Variants in NALF1 observed in about 807,000 individuals in gnomAD.
NALF1 encodes the protein family with sequence similarity 155 member A.
NALF1 carries 3 observed loss-of-function variants against 48.4 expected under a neutral mutation model. The observed-to-expected ratio is 0.06, with a 90% confidence interval of 0.03 to 0.16. The LOEUF is 0.16. NALF1 is among the 10% of genes least tolerant of loss of function. The probability of loss-of-function intolerance (pLI) is 1.00; values close to 1 mark genes in which losing one functional copy is unlikely to be tolerated. For synonymous variants in NALF1, 262 were observed against 245.7 expected, an observed-to-expected ratio of 1.07 and a Z score of -0.62; for missense variants, 526 against 571.5, an observed-to-expected ratio of 0.92 and a Z score of 0.81.
At chr13:107,865,615 A>G in intron 1 of NALF1, 67 bp downstream of exon 1, 1 of 1,540,510 alleles carries the variant, frequency 6.5e-7, no homozygotes, top group Non-Finnish European at 8.7e-7. Flanking sequence ...AATAAACTTG[A>G]GAAGACACCC....
chr13:107,253,005 T>C (rs1880734057), intron 1 of NALF1, among the ~76,000 whole-genome samples: 1 of 152,236 alleles, frequency 6.6e-6, no homozygotes. Context: ...ATAACACATT[T>C]TCTTTTTACA....
chr13:107,273,984 C>T (rs1311506237), intron 1 of NALF1, among the ~76,000 whole-genome samples: 1 of 152,066 alleles, frequency 6.6e-6, no homozygotes, highest in Non-Finnish European at 1.5e-5. Context: ...ATAGTCACCA[C>T]CCTAGGGACA....
intron 1 of NALF1, among the ~76,000 whole-genome samples, chr13:107,794,348 G>A (rs575080193): frequency 2.6e-4 from 39 of 151,940 alleles, no homozygotes; most frequent in Admixed American, 1.0e-3. Context: ...TTGAATAATC[G>A]TTGAGTCCTT....
chr13:107,598,940 T>C (rs892728687), intron 1 of NALF1, among the ~76,000 whole-genome samples: 1 of 152,214 alleles, frequency 6.6e-6, no homozygotes, highest in Non-Finnish European at 1.5e-5. Context: ...TGCTTTTTGC[T>C]GCTCTTCCCG....
chr13:107,487,030 GT>G (rs1885339802), intron 1 of NALF1, among the ~76,000 whole-genome samples: 1 of 152,062 alleles, frequency 6.6e-6, no homozygotes, highest in African/African-American at 2.4e-5. Context: ...ACATGATATA[GT>G]TATAGACACG....
intron 1 of NALF1, among the ~76,000 whole-genome samples, chr13:107,319,161 A>T (rs76008468): frequency 0.042 from 6,335 of 152,192 alleles, 184 homozygotes; most frequent in Middle Eastern, 0.065. Flanking sequence ...GGGCTGGGCC[A>T]ACTGGTCCTC....
At chr13:107,400,068 A>G (rs886858591) in intron 1 of NALF1, among the ~76,000 whole-genome samples, 1 of 152,134 alleles carries the variant, frequency 6.6e-6, no homozygotes, top group Non-Finnish European at 1.5e-5. Context: ...ACTTAATACT[A>G]TGTTCACTTT....
rs565046401 is a variant in NALF1 at position 107,528,522 on chromosome 13, C to T, written c.916-317767G>A. ...AAATTATTCAAATTATCCCAGGCTC[C>T]AAAACCCTCTCTCTAAAACAAGCCT... On this transcript the variant is annotated intron_variant, in intron 1 of 2. Transcript: ENST00000375915. Among the ~76,000 whole-genome samples, 33 of 152,170 alleles carry T rather than the reference C, an allele frequency of 2.2e-4. 1 individual carries two copies. Among genetic ancestry groups the T allele is most frequent in the Admixed American group, 6.6e-4 (10 of 15,258 alleles).
chr13:107,477,619 A>G (rs917748047), intron 1 of NALF1, among the ~76,000 whole-genome samples: 8 of 152,116 alleles, frequency 5.3e-5, no homozygotes, highest in Admixed American at 2.0e-4. Flanking sequence ...TACTCTTGGT[A>G]GTTGCTCAAG....
At chr13:107,599,434 A>AT (rs1014745700) in intron 1 of NALF1, among the ~76,000 whole-genome samples, 8 of 151,424 alleles carry the variant, frequency 5.3e-5, no homozygotes, top group African/African-American at 1.5e-4. Flanking sequence ...AAAAAAAAAA[A>AT]AAAAATAACA....
At chr13:107,716,961 G>T (rs913972406) in intron 1 of NALF1, among the ~76,000 whole-genome samples, 28 of 152,144 alleles carry the variant, frequency 1.8e-4, no homozygotes, top group African/African-American at 6.5e-4. Context: ...CAAAATCACT[G>T]ACTCTCAGAG....
intron 1 of NALF1, among the ~76,000 whole-genome samples, chr13:107,329,500 T>TA (rs1205136824): frequency 3.3e-5 from 5 of 152,014 alleles, no homozygotes; most frequent in East Asian, 1.9e-4. Flanking sequence ...TTTTTTTTTT[T>TA]AAATTTTATT....
chr13:107,443,188 CTATCT>C (rs1884593370), intron 1 of NALF1, among the ~76,000 whole-genome samples: 1 of 151,514 alleles, frequency 6.6e-6, no homozygotes, highest in African/African-American at 2.4e-5. Flanking sequence ...ATCTATCTAT[CTATCT>C]ATCTATCTAT....
intron 1 of NALF1, among the ~76,000 whole-genome samples, chr13:107,339,058 C>A (rs1438638887): frequency 6.7e-6 from 1 of 149,568 alleles, no homozygotes; most frequent in Non-Finnish European, 1.5e-5. Context: ...GGCGTGAACT[C>A]GGGAGGTGGA....
chr13:107,809,005 C>A (rs190420013), intron 1 of NALF1, among the ~76,000 whole-genome samples: 1 of 152,042 alleles, frequency 6.6e-6, no homozygotes. Flanking sequence ...ATAAACTATA[C>A]AAAATTTTCA....
At chr13:107,200,481 T>A (rs1879489183) in intron 2 of NALF1, among the ~76,000 whole-genome samples, 1 of 152,174 alleles carries the variant, frequency 6.6e-6, no homozygotes, top group Non-Finnish European at 1.5e-5. Context: ...ATGGGTTACA[T>A]GGCAAGCATC....
intron 1 of NALF1, among the ~76,000 whole-genome samples, chr13:107,848,872 G>A (rs1055748087): frequency 6.6e-6 from 1 of 152,132 alleles, no homozygotes; most frequent in African/African-American, 2.4e-5. Flanking sequence ...TTACCGACCT[G>A]ACAGGAAAAG....
intron 1 of NALF1, among the ~76,000 whole-genome samples, chr13:107,681,632 G>A (rs1287682891): frequency 1.3e-5 from 2 of 152,106 alleles, no homozygotes; most frequent in South Asian, 2.1e-4. Context: ...GACCGGAGCG[G>A]GCTGTCCATT....
intron 1 of NALF1, among the ~76,000 whole-genome samples, chr13:107,426,484 C>T (rs1884283672): frequency 6.6e-6 from 1 of 152,104 alleles, no homozygotes; most frequent in South Asian, 2.1e-4. Context: ...GAGATTTTCC[C>T]CATATCTGAA....
Sources: allele counts gnomAD v4.1 joint callset (sites outside exome capture counted in the v4.1 genomes callset), GRCh38; gene constraint gnomAD v4.1.1; transcripts MANE v1.5; gene names NCBI Gene and HGNC (gene_info 2026-07-23, HGNC 2026-07-21).